The following SGCD variants were observed in gnomAD, a reference collection of about 807,000 sequenced individuals.
The protein encoded by SGCD is sarcoglycan delta, also known as delta-sarcoglycan.
SGCD carries 18 observed loss-of-function variants against 36.6 expected under a neutral mutation model. That is an observed-to-expected ratio of 0.49 (90% CI 0.34 to 0.73). The LOEUF is 0.73. Ranked by LOEUF, SGCD falls within the 30% of genes least tolerant of loss-of-function variation. The pLI is 0.01. For synonymous variants in SGCD, 133 were observed against 130.6 expected (o/e 1.02, Z -0.12); for missense variants, 387 against 346.7 (o/e 1.12, Z -0.92).
At chr5:156,504,416 A>G (rs1043906871) in intron 3 of SGCD, among the ~76,000 whole-genome samples, 42 of 143,714 alleles carry the variant, frequency 2.9e-4, no homozygotes, top group African/African-American at 1.1e-3. Flanking sequence ...ATATATATAT[A>G]TATATATATG....
At chr5:156,515,508 G>T (rs1757118957) in intron 4 of SGCD, among the ~76,000 whole-genome samples, 1 of 152,132 alleles carries the variant, frequency 6.6e-6, no homozygotes, top group African/African-American at 2.4e-5. Context: ...AGAGAGTGAG[G>T]ATAAGCAGGG....
intron 1 of SGCD, among the ~76,000 whole-genome samples, chr5:155,944,750 G>A (rs1199848064): frequency 3.9e-5 from 6 of 152,168 alleles, no homozygotes; most frequent in Non-Finnish European, 5.9e-5. Flanking sequence ...AATGTGGTAA[G>A]TTTATGATTG....
At chr5:156,362,029 A>G (rs1486951513) in intron 3 of SGCD, among the ~76,000 whole-genome samples, 2 of 152,342 alleles carry the variant, frequency 1.3e-5, no homozygotes, top group South Asian at 2.1e-4. Flanking sequence ...AGGAAAAGCA[A>G]GTTCAAAAGC....
At chr5:156,236,007 A>G (rs1270982054) in intron 3 of SGCD, among the ~76,000 whole-genome samples, 3 of 152,336 alleles carry the variant, frequency 2.0e-5, no homozygotes, top group East Asian at 1.9e-4. Flanking sequence ...TTGTCTTATG[A>G]AAAGAAAAGA....
intron 2 of SGCD, among the ~76,000 whole-genome samples, chr5:156,340,091 C>T (rs563263939): frequency 2.6e-5 from 4 of 152,244 alleles, no homozygotes; most frequent in African/African-American, 7.2e-5. Flanking sequence ...AACCTACAAA[C>T]CCAAGTATTC....
At chr5:156,309,661 C>A (rs373918444) in intron 3 of SGCD, among the ~76,000 whole-genome samples, 99 of 144,216 alleles carry the variant, frequency 6.9e-4, no homozygotes, top group African/African-American at 2.3e-3. Flanking sequence ...AATGCAGTGG[C>A]GTGATCTTGG....
intron 1 of SGCD, among the ~76,000 whole-genome samples, chr5:156,106,012 G>A (rs897625068): frequency 2.0e-5 from 3 of 148,432 alleles, no homozygotes; most frequent in Non-Finnish European, 4.5e-5. Flanking sequence ...TTGGGAGGCT[G>A]AGGCAGAGAA....
At chr5:156,599,300 A>G (rs1761069726) in intron 6 of SGCD, among the ~76,000 whole-genome samples, 1 of 152,124 alleles carries the variant, frequency 6.6e-6, no homozygotes, top group African/African-American at 2.4e-5. Context: ...TTTTATCCTT[A>G]TCAGGACCAC....
chr5:156,650,864 G>A (rs376559437), intron 7 of SGCD, among the ~76,000 whole-genome samples: 5 of 152,068 alleles, frequency 3.3e-5, no homozygotes, highest in East Asian at 1.9e-4. Context: ...GGGATTGCTC[G>A]GTCAGTTAGT....
intron 4 of SGCD, among the ~76,000 whole-genome samples, chr5:156,562,668 G>A (rs1759315429): frequency 6.6e-6 from 1 of 152,032 alleles, no homozygotes. Context: ...TGCTGTTTTA[G>A]GGCAACAGTG....
intron 3 of SGCD, among the ~76,000 whole-genome samples, chr5:156,146,964 T>G (rs889914750): frequency 1.3e-5 from 2 of 152,192 alleles, no homozygotes; most frequent in African/African-American, 2.4e-5. Context: ...TTTGCCAAAG[T>G]ATAATACTCA....
chr5:155,937,028 G>C (rs529415669), intron 1 of SGCD, among the ~76,000 whole-genome samples: 41 of 152,314 alleles, frequency 2.7e-4, no homozygotes, highest in Admixed American at 6.5e-4. Context: ...AGACCAGACA[G>C]GGGTAGCAGA....
intron 1 of SGCD, among the ~76,000 whole-genome samples, chr5:156,026,745 G>A (rs1355585031): frequency 6.6e-6 from 1 of 152,114 alleles, no homozygotes; most frequent in Non-Finnish European, 1.5e-5. Flanking sequence ...CTCAGATCAG[G>A]CGGTTGTAAG....
At chr5:156,272,731 A>G (rs1026704024) in intron 3 of SGCD, among the ~76,000 whole-genome samples, 3 of 152,192 alleles carry the variant, frequency 2.0e-5, no homozygotes, top group African/African-American at 7.2e-5. Context: ...GTAATATTCA[A>G]GAGTCATGAA....
the SGCD span, among the ~76,000 whole-genome samples, chr5:155,833,336 A>C: frequency 0.092 from 14,003 of 152,306 alleles, 829 homozygotes; most frequent in South Asian, 0.2. Flanking sequence ...GTTACATTAA[A>C]TATAATGGAT....
chr5:156,684,137 G>A (rs1463962142), intron 7 of SGCD, among the ~76,000 whole-genome samples: 3 of 152,198 alleles, frequency 2.0e-5, no homozygotes, highest in Non-Finnish European at 4.4e-5. Flanking sequence ...GAATGAATAA[G>A]TAAATTTCCA....
chr5:156,302,732 A>T (rs1478451363), intron 3 of SGCD, among the ~76,000 whole-genome samples: 1 of 152,214 alleles, frequency 6.6e-6, no homozygotes, highest in East Asian at 1.9e-4. Flanking sequence ...TGGCTTGTAG[A>T]GGTACCACCT....
At chr5:155,899,569 A>G (rs1756341969) in intron 1 of SGCD, among the ~76,000 whole-genome samples, 1 of 152,166 alleles carries the variant, frequency 6.6e-6, no homozygotes, top group Non-Finnish European at 1.5e-5. Flanking sequence ...TGGGAATGAT[A>G]TTTTAGAAGC....
chr5:156,741,183 T>G (rs1037836071), intron 7 of SGCD, among the ~76,000 whole-genome samples: 1 of 152,170 alleles, frequency 6.6e-6, no homozygotes, highest in Non-Finnish European at 1.5e-5. Context: ...ATCTAAAAGC[T>G]TGTCTAGGTT....
Sources: allele counts gnomAD v4.1 joint callset (sites outside exome capture counted in the v4.1 genomes callset), GRCh38; gene constraint gnomAD v4.1.1; transcripts MANE v1.5; gene names NCBI Gene and HGNC (gene_info 2026-07-23, HGNC 2026-07-21).